VPS13D: variants seen among roughly 807,000 people sequenced by gnomAD.
VPS13D encodes intermembrane lipid transfer protein VPS13D.
Under a neutral mutation model 461.9 loss-of-function variants are expected in VPS13D, and 187 were observed. The ratio of observed to expected loss-of-function variants is 0.40; its 90% CI spans 0.36 to 0.46. The LOEUF is 0.46. Ranked by LOEUF, VPS13D falls within the 20% of genes least tolerant of loss-of-function variation. The probability of loss-of-function intolerance (pLI) is 0.60; values close to 1 mark genes in which losing one functional copy is unlikely to be tolerated. For missense variants in VPS13D, 4,711 were observed against 5,364.9 expected (o/e 0.88, Z 3.81); for synonymous variants, 1,951 against 1,986.3 (o/e 0.98, Z 0.47).
intron 65 of VPS13D, among the ~76,000 whole-genome samples, chr1:12,446,265 A>C (rs1211485308): frequency 6.6e-6 from 1 of 152,086 alleles, no homozygotes; most frequent in East Asian, 1.9e-4. Context: ...AAAAATACAA[A>C]AATTAGCCAG....
chr1:12,411,000 A>G (rs1438400501), intron 63 of VPS13D, among the ~76,000 whole-genome samples: 2 of 152,226 alleles, frequency 1.3e-5, no homozygotes, highest in African/African-American at 4.8e-5. Context: ...AGCTACAACA[A>G]ACATCATACT....
chr1:12,354,758 G>T (rs920997303), intron 47 of VPS13D, among the ~76,000 whole-genome samples: 15 of 152,066 alleles, frequency 9.9e-5, no homozygotes, highest in Non-Finnish European at 2.2e-4. Flanking sequence ...TCTATTCCAG[G>T]CATACCTGGG....
At chr1:12,398,788 G>A (rs554792076) in intron 60 of VPS13D, among the ~76,000 whole-genome samples, 35 of 152,200 alleles carry the variant, frequency 2.3e-4, no homozygotes, top group Non-Finnish European at 4.0e-4. Flanking sequence ...TTACAATTTG[G>A]TAGCCATTTG....
chr1:12,378,196 T>C (rs772599983), intron 55 of VPS13D, among the ~76,000 whole-genome samples: 16 of 152,228 alleles, frequency 1.1e-4, no homozygotes, highest in Admixed American at 2.0e-4. Flanking sequence ...AAATGCACAT[T>C]ATTTGTAATG....
chr1:12,426,974 A>G (rs1420473598), intron 65 of VPS13D, among the ~76,000 whole-genome samples: 1 of 152,156 alleles, frequency 6.6e-6, no homozygotes, highest in African/African-American at 2.4e-5. Context: ...AGATCATGCC[A>G]TTGCACTCCA....
At chr1:12,372,800 CTTT>C (rs764284126) in intron 54 of VPS13D, among the ~76,000 whole-genome samples, 9 of 126,742 alleles carry the variant, frequency 7.1e-5, no homozygotes, top group Admixed American at 7.9e-5. Flanking sequence ...AATCCATTAC[CTTT>C]TTTTTTTTTT....
chr1:12,506,793 T>C, intron 68 of VPS13D, 60 bp from the exon 69 acceptor site: 1 of 1,579,114 alleles, frequency 6.3e-7, no homozygotes, highest in South Asian at 1.2e-5. Flanking sequence ...GCAGTGGGCC[T>C]CCCCCTGATG....
intron 42 of VPS13D, among the ~76,000 whole-genome samples, chr1:12,344,578 A>G (rs560869621): frequency 1.1e-3 from 160 of 152,192 alleles, no homozygotes; most frequent in Non-Finnish European, 1.7e-3. Context: ...CATATCAGAA[A>G]GGGTTTGACC....
At chr1:12,364,306 A>G (rs1286043722) in intron 52 of VPS13D, among the ~76,000 whole-genome samples, 1 of 152,156 alleles carries the variant, frequency 6.6e-6, no homozygotes, top group Non-Finnish European at 1.5e-5. Flanking sequence ...GAGTTTAATC[A>G]TACGGTATTT....
rs531944839 is a variant in VPS13D, at chr1:12,269,503, C to T, written c.1972+627C>T. On this transcript the variant is annotated intron_variant, in intron 16 of 69. Coordinates refer to ENST00000620676, the MANE Select transcript of VPS13D (RefSeq NM_015378.4). ...ACTATGACAGTGGTTTCCTTGGCTACCCAGGATATTTTAGACCAGTGAACT... is the reference window on the plus strand; with the variant it reads ...ACTATGACAGTGGTTTCCTTGGCTATCCAGGATATTTTAGACCAGTGAACT... Among the ~76,000 whole-genome samples the T allele has an allele frequency of 7.6e-4, 116 of 152,176 alleles. 1 individual carries two copies. The highest frequency in any genetic ancestry group is 1.1e-3 in the Non-Finnish European group (78 of 68,038).
intron 5 of VPS13D, among the ~76,000 whole-genome samples, chr1:12,246,094 C>T (rs1048862818): frequency 2.6e-5 from 4 of 152,138 alleles, no homozygotes; most frequent in African/African-American, 7.2e-5. Flanking sequence ...GGTAGCTGGG[C>T]CTTTTAAAGA....
intron 21 of VPS13D, among the ~76,000 whole-genome samples, chr1:12,285,293 TTTA>T (rs1308707881): frequency 1.8e-3 from 257 of 143,216 alleles, no homozygotes; most frequent in African/African-American, 6.4e-3. Flanking sequence ...TATTTATTTA[TTTA>T]TTTTTTTTTT....
At chr1:12,359,178 A>G (rs1402798566) in intron 50 of VPS13D, among the ~76,000 whole-genome samples, 2 of 152,174 alleles carry the variant, frequency 1.3e-5, no homozygotes, top group African/African-American at 4.8e-5. Context: ...AGGATACTGT[A>G]CCCATATGCC....
intron 60 of VPS13D, among the ~76,000 whole-genome samples, chr1:12,396,851 T>TTA (rs1644505853): frequency 6.6e-6 from 1 of 152,226 alleles, no homozygotes; most frequent in African/African-American, 2.4e-5. Context: ...TTTTTCGACC[T>TTA]TACAGAGACA....
chr1:12,311,669 C>CT (rs1642754571), intron 28 of VPS13D, 44 bp downstream of exon 28: 1 of 1,607,004 alleles, frequency 6.2e-7, no homozygotes, highest in South Asian at 1.1e-5. Context: ...ATAGTCTCAG[C>CT]TGACGGTCAC....
chr1:12,474,038 G>A (rs1645597967), intron 67 of VPS13D, among the ~76,000 whole-genome samples: 1 of 152,138 alleles, frequency 6.6e-6, no homozygotes, highest in Non-Finnish European at 1.5e-5. Flanking sequence ...CTGGGTTCGA[G>A]CAGAGTTCAG....
chr1:12,329,749 T>G (rs1371595706), intron 36 of VPS13D, 80 bp from the exon 37 acceptor site: 3 of 984,958 alleles, frequency 3.0e-6, no homozygotes, highest in Non-Finnish European at 4.8e-6. Context: ...TTAGCTCTAA[T>G]GTTTCTTTAA....
rs1339522565 is a variant in VPS13D, at chr1:12,310,022, G to A, written c.6650+1381G>A. Among the ~76,000 whole-genome samples, 5 of 152,066 alleles carry A rather than the reference G, an allele frequency of 3.3e-5. No individual in the cohort carries two copies. In the East Asian group the frequency reaches 9.6e-4, roughly 29 times the overall value. Reference sequence around the variant, plus strand: ...GCATGGGCTATATTTGGTTTTACTGGCTAAGCAGTCTTAAGAGGAGCTTCG... The same window carrying A: ...GCATGGGCTATATTTGGTTTTACTGACTAAGCAGTCTTAAGAGGAGCTTCG... On this transcript the variant is annotated intron_variant, in intron 27 of 69. Coordinates refer to ENST00000620676, the MANE Select transcript of VPS13D (RefSeq NM_015378.4).
intron 26 of VPS13D, 146 bp downstream of exon 26, chr1:12,304,874 T>C: frequency 1.1e-6 from 1 of 873,444 alleles, no homozygotes; most frequent in South Asian, 1.8e-5. Context: ...CTGATTTTGC[T>C]TTACAAGGTT....
Sources: gnomAD v4.1 joint callset for allele counts (sites outside exome capture counted in the v4.1 genomes callset) on GRCh38, gnomAD v4.1.1 for gene constraint, MANE v1.5 for transcripts, NCBI Gene and HGNC (gene_info 2026-07-23, HGNC 2026-07-21) for gene names.